Variants in TMEM164 observed in about 807,000 individuals in gnomAD.
The protein encoded by TMEM164 is transmembrane protein 164.
A neutral mutation model predicts 18.8 loss-of-function variants in TMEM164; 4 were observed. The ratio of observed to expected loss-of-function variants is 0.21; its 90% CI spans 0.10 to 0.49. The LOEUF (loss-of-function observed/expected upper bound fraction) is 0.49. Ranked by LOEUF, TMEM164 falls within the 20% of genes least tolerant of loss-of-function variation. The pLI is 0.98. For missense variants in TMEM164, 108 were observed against 239.9 expected, an observed-to-expected ratio of 0.45 and a Z score of 3.63; for synonymous variants, 86 against 101.7, an observed-to-expected ratio of 0.85 and a Z score of 0.93.
chrX:110,099,088 G>A (rs935966190), intron 3 of TMEM164, among the ~76,000 whole-genome samples: 13 of 108,842 alleles, frequency 1.2e-4, no homozygotes, highest in Non-Finnish European at 2.3e-4. Flanking sequence ...GTGAGCCACC[G>A]CTCCTGGCTG....
chrX:110,060,579 G>T (rs1205746030), intron 2 of TMEM164, among the ~76,000 whole-genome samples: 1 of 111,774 alleles, frequency 8.9e-6, no homozygotes, highest in Non-Finnish European at 1.9e-5. Flanking sequence ...TTTATACAAT[G>T]CAATATGAAC....
At chrX:110,049,365 T>C (rs1935448795) in intron 2 of TMEM164, among the ~76,000 whole-genome samples, 1 of 109,240 alleles carries the variant, frequency 9.2e-6, no homozygotes, top group Admixed American at 9.8e-5. Context: ...AATTTTTCCA[T>C]GGACTGAGGT....
intron 4 of TMEM164, among the ~76,000 whole-genome samples, chrX:110,123,138 A>G (rs968726473): frequency 2.4e-4 from 27 of 111,889 alleles, no homozygotes; most frequent in African/African-American, 7.5e-4. Context: ...GTGGATATCC[A>G]GTTGTCCCAG....
intron 5 of TMEM164, 142 bp downstream of exon 5, chrX:110,145,018 C>A: frequency 2.2e-6 from 1 of 458,044 alleles, no homozygotes; most frequent in Non-Finnish European, 3.7e-6. Flanking sequence ...TTATGCCGGG[C>A]ACCAGGAAGT....
At chrX:110,143,804 G>GGTGT (rs759024255) in intron 4 of TMEM164, among the ~76,000 whole-genome samples, 207 of 103,062 alleles carry the variant, frequency 2.0e-3, no homozygotes, top group South Asian at 3.9e-3. Context: ...CATACTTTGG[G>GGTGT]GTGTGTGTGT....
chrX:110,102,866 C>T (rs1463530272), intron 3 of TMEM164, among the ~76,000 whole-genome samples: 1 of 112,403 alleles, frequency 8.9e-6, no homozygotes, highest in Non-Finnish European at 1.9e-5. Flanking sequence ...AGTTATTTCA[C>T]TTCTTGCCTT....
At chrX:110,017,419 T>TTTCC (rs1933462471) in intron 2 of TMEM164, among the ~76,000 whole-genome samples, 5 of 11,109 alleles carry the variant, frequency 4.5e-4, no homozygotes, top group African/African-American at 9.1e-4. Context: ...TCTTTCTTTC[T>TTTCC]TTCTTTCTTT....
chrX:110,080,058 A>G (rs903428286), intron 3 of TMEM164, among the ~76,000 whole-genome samples: 3 of 111,727 alleles, frequency 2.7e-5, no homozygotes, highest in African/African-American at 6.5e-5. Context: ...TTTATAAAGC[A>G]TAAATGATTT....
chrX:110,044,463 A>G (rs927645659), intron 2 of TMEM164, among the ~76,000 whole-genome samples: 2 of 109,320 alleles, frequency 1.8e-5, no homozygotes, highest in African/African-American at 6.7e-5. Context: ...TTTTTGAGAC[A>G]AGGTCTTGTT....
At chrX:110,023,764 C>G (rs1934035619) in intron 2 of TMEM164, among the ~76,000 whole-genome samples, 1 of 110,602 alleles carries the variant, frequency 9.0e-6, no homozygotes, top group South Asian at 3.8e-4. Context: ...ATGTGTAGAT[C>G]TGGCTGACTC....
chrX:110,171,636 C>A (rs1413282504), intron 6 of TMEM164, 116 bp downstream of exon 6: 2 of 618,345 alleles, frequency 3.2e-6, no homozygotes, highest in African/African-American at 2.2e-5. Context: ...TGCTAAAGGC[C>A]AGGATGTCAG....
chrX:110,096,366 C>T (rs1433055112), intron 3 of TMEM164, among the ~76,000 whole-genome samples: 1 of 112,828 alleles, frequency 8.9e-6, no homozygotes, highest in Non-Finnish European at 1.9e-5. Flanking sequence ...CTTTATTTAC[C>T]TACTCAAGCC....
chrX:110,049,947 C>G (rs1250211534), intron 2 of TMEM164, among the ~76,000 whole-genome samples: 1 of 111,616 alleles, frequency 9.0e-6, no homozygotes, highest in Non-Finnish European at 1.9e-5. Context: ...AAGCTAAACT[C>G]AAAGGCCTTT....
At chrX:110,015,842 T>A (rs936485516) in intron 2 of TMEM164, among the ~76,000 whole-genome samples, 6 of 112,326 alleles carry the variant, frequency 5.3e-5, no homozygotes, top group African/African-American at 1.9e-4. Context: ...GCTTTCAAGT[T>A]CACCTTTCCT....
At chrX:110,009,069 C>T (rs766226218) in intron 2 of TMEM164, among the ~76,000 whole-genome samples, 2 of 111,836 alleles carry the variant, frequency 1.8e-5, no homozygotes, top group African/African-American at 6.5e-5. Flanking sequence ...CAGCCTACAC[C>T]AAGCAGAGAG....
At chrX:110,173,067 C>T (rs1344293410) in intron 6 of TMEM164, among the ~76,000 whole-genome samples, 178 bp from the exon 7 acceptor site, 1 of 111,982 alleles carries the variant, frequency 8.9e-6, no homozygotes, top group African/African-American at 3.3e-5. Flanking sequence ...CCTCCAGAGG[C>T]CTCTAGCTTG....
chrX:110,096,491 T>C (rs774692936), intron 3 of TMEM164, among the ~76,000 whole-genome samples: 1 of 112,960 alleles, frequency 8.9e-6, no homozygotes, highest in South Asian at 3.6e-4. Context: ...CGAGGCCAGG[T>C]GCGAGATATA....
In TMEM164 at chrX:110,177,746, TATA is replaced by T. The variant is rs997533991; in HGVS notation, c.*4298_*4300del. On this transcript the variant is annotated 3_prime_UTR_variant, in exon 7 of 7. Coordinates refer to ENST00000372068, the MANE Select transcript of TMEM164 (RefSeq NM_032227.4). ...GAACCCTCACCATGGGGCTTACTGT[TATA>T]ATGTTTCTTCATTTACTGTTATTAA... 9.8e-5 allele frequency: 11 copies of T among 112,336 alleles called. No homozygotes were observed. In the Admixed American group the frequency reaches 1.0e-3, roughly 11 times the overall value. 9.3% of individuals were successfully genotyped at this position (112,336 alleles called of 1,213,427 possible). A position where few individuals can be genotyped will look rare whatever the true frequency, so the allele number is the denominator to read the frequency against.
intron 2 of TMEM164, among the ~76,000 whole-genome samples, chrX:110,026,480 ACT>A (rs1249094304): frequency 9.0e-6 from 1 of 110,611 alleles, no homozygotes; most frequent in Non-Finnish European, 1.9e-5. Flanking sequence ...TGGCTCCCTG[ACT>A]CTATCTACCC....
Sources: allele counts gnomAD v4.1 joint callset (sites outside exome capture counted in the v4.1 genomes callset), GRCh38; gene constraint gnomAD v4.1.1; transcripts MANE v1.5; gene names NCBI Gene and HGNC (gene_info 2026-07-23, HGNC 2026-07-21).